LMOD1: variants seen among roughly 807,000 people sequenced by gnomAD.
LMOD1 encodes leiomodin-1.
A neutral mutation model predicts 36.5 loss-of-function variants in LMOD1; 8 were observed. The ratio of observed to expected loss-of-function variants is 0.22; its 90% CI spans 0.13 to 0.40. The LOEUF (loss-of-function observed/expected upper bound fraction) is 0.40. Among genes scored for constraint, LMOD1 ranks in the 10% least tolerant of loss-of-function variants. The pLI, the probability that LMOD1 is intolerant of heterozygous loss-of-function variation, is 1.00. For synonymous variants in LMOD1, 284 were observed against 288.7 expected (o/e 0.98, Z 0.17); for missense variants, 630 against 751.1 (o/e 0.84, Z 1.88).
intron 1 of LMOD1, among the ~76,000 whole-genome samples, chr1:201,944,732 C>G (rs1029208925): frequency 1.4e-5 from 2 of 147,026 alleles, no homozygotes; most frequent in African/African-American, 5.1e-5. Flanking sequence ...GGTGGTGGGG[C>G]GGGGGGGGGC....
rs534785855 is a variant in LMOD1, at chr1:201,919,392, C to T, written c.262-18641G>A. 1.5e-4 allele frequency among the ~76,000 whole-genome samples: 23 copies of T among 151,642 alleles called. No homozygotes were observed. In the South Asian group the frequency reaches 1.7e-3, roughly 11 times the overall value. On this transcript the variant is annotated intron_variant, in intron 1 of 2. Transcript: ENST00000367288. Reference sequence around the variant, plus strand: ...GCTGATTTTGTATTTTTAGTAGAGACGGGGTTTCACCATGTTGGCCAGGCT... The same window carrying T: ...GCTGATTTTGTATTTTTAGTAGAGATGGGGTTTCACCATGTTGGCCAGGCT...
chr1:201,910,630 G>A (rs573200773), intron 1 of LMOD1, among the ~76,000 whole-genome samples: 4 of 151,436 alleles, frequency 2.6e-5, no homozygotes, highest in African/African-American at 9.7e-5. Flanking sequence ...CATTACTGTG[G>A]TGCCTAAGAA....
chr1:201,928,784 C>A (rs911747458), intron 1 of LMOD1, among the ~76,000 whole-genome samples: 3 of 150,912 alleles, frequency 2.0e-5, no homozygotes, highest in Non-Finnish European at 4.4e-5. Flanking sequence ...GGCGTGATCT[C>A]GGCTCACTGC....
At position 201,896,658 on chromosome 1, in the gene LMOD1, G is replaced by A. The variant is rs1234528582; in HGVS notation, c.*1714C>T. On this transcript the variant is annotated 3_prime_UTR_variant, in exon 3 of 3. Transcript: ENST00000367288. ...GGACTGACAGTGAGGGCTGACAGTG[G>A]AAGCTCTAGCTGGCCTTAGCTCCAG... is the stretch of plus-strand genomic sequence containing the variant. 8.8e-6 allele frequency: 4 copies of A among 456,640 alleles called. No individual in the cohort carries two copies. Among genetic ancestry groups the A allele is most frequent in the Non-Finnish European group, 1.8e-5 (4 of 226,992 alleles). 28.3% of individuals were successfully genotyped at this position (456,640 alleles called of 1,614,324 possible).
rs1320081764 is a variant in LMOD1 at position 201,934,150 on chromosome 1, TGC to T, written c.261+11928_261+11929del. ...GGCTGTTGTCTGTTGACTGTTCTCA[TGC>T]CAGATTTCATGTCCGGAAGTACTTT... On this transcript the variant is annotated intron_variant, in intron 1 of 2. Coordinates refer to ENST00000367288, the MANE Select transcript of LMOD1 (RefSeq NM_012134.3). 4.6e-5 allele frequency among the ~76,000 whole-genome samples: 7 copies of T among 152,228 alleles called. No individual in the cohort carries two copies. In the East Asian group the frequency reaches 7.7e-4, roughly 17 times the overall value.
intron 1 of LMOD1, among the ~76,000 whole-genome samples, chr1:201,915,012 C>G (rs917580151): frequency 6.6e-6 from 1 of 152,204 alleles, no homozygotes; most frequent in Non-Finnish European, 1.5e-5. Context: ...TTGCCTCACC[C>G]CCAACATTCC....
chr1:201,937,321 C>G (rs1439773861), intron 1 of LMOD1, among the ~76,000 whole-genome samples: 3 of 152,046 alleles, frequency 2.0e-5, no homozygotes, highest in Admixed American at 1.3e-4. Flanking sequence ...GTGGGACACA[C>G]CTGTAGTCCT....
At chr1:201,929,335 G>T (rs1681880852) in intron 1 of LMOD1, among the ~76,000 whole-genome samples, 1 of 152,046 alleles carries the variant, frequency 6.6e-6, no homozygotes, top group African/African-American at 2.4e-5. Flanking sequence ...ACCTGACTCG[G>T]CATACCAAAG....
At chr1:201,908,518 T>A in intron 1 of LMOD1, among the ~76,000 whole-genome samples, 1 of 152,150 alleles carries the variant, frequency 6.6e-6, no homozygotes, top group South Asian at 2.1e-4. Flanking sequence ...CTCCTGCCCA[T>A]ACTGGAGCAC....
intron 1 of LMOD1, among the ~76,000 whole-genome samples, chr1:201,940,427 C>T (rs1035558073): frequency 3.3e-5 from 5 of 151,802 alleles, no homozygotes; most frequent in African/African-American, 1.2e-4. Flanking sequence ...TCTCGTGATC[C>T]ACCCGCCTCG....
Position 201,946,162 on chromosome 1 carries a change from G to A in LMOD1, c.179C>T (p.Thr60Met), listed in dbSNP as rs778680185. 1.1e-5 allele frequency: 17 copies of A among 1,613,928 alleles called. No homozygotes were observed. The highest frequency in any genetic ancestry group is 1.4e-5 in the Non-Finnish European group (16 of 1,179,866). The change falls in exon 1 of 3, where the codon ACG becomes ATG. Residue 60 changes from threonine to methionine, a missense_variant. This residue lies in a region of LMOD1 where 405 missense variants were observed against 400.6 expected (regional missense o/e 1.01). Coordinates refer to ENST00000367288, the MANE Select transcript of LMOD1 (RefSeq NM_012134.3). ...RQRNQTEKQS[T>M]GVYNREAMLN... ...CATGGCCTCCCGGTTGTACACACCC[G>A]TGGACTGTTTCTCCGTCTGGTTTCT...
In LMOD1 at chr1:201,898,328, C is replaced by T. The variant is rs759882072; in HGVS notation, c.*44G>A. 1.3e-4 allele frequency: 214 copies of T among 1,604,520 alleles called. No homozygotes were observed. The highest frequency in any genetic ancestry group is 1.6e-4 in the Middle Eastern group (1 of 6,074). ...TCTGTGTAGCCCTGGGAGGTGAGGC[C>T]TGAGCAGTCATGGCATTGGCAGATG... On this transcript the variant is annotated 3_prime_UTR_variant, in exon 3 of 3. Transcript: ENST00000367288.
chr1:201,900,857 C>T, intron 1 of LMOD1, 106 bp from the exon 2 acceptor site: 1 of 970,112 alleles, frequency 1.0e-6, no homozygotes, highest in Non-Finnish European at 1.5e-6. Flanking sequence ...CCTTGAGCCT[C>T]TGAAGGACAG....
In LMOD1 at chr1:201,899,120, T is replaced by G; in HGVS notation, c.1776+117A>C. On this transcript the variant is annotated intron_variant, in intron 2 of 2. Coordinates refer to ENST00000367288, the MANE Select transcript of LMOD1 (RefSeq NM_012134.3). This position sits in a 1 kb window ranked among gnomAD's most constrained non-coding sequence, Gnocchi z 6.3. ...TGAAGTCCCCTATGGGCCCTGGGAG[T>G]CTATATCATCTGCAGCCGACATAAG... 1 of 923,782 alleles carries G rather than the reference T, an allele frequency of 1.1e-6. No individual in the cohort carries two copies. The highest frequency in any genetic ancestry group is 1.6e-6 in the Non-Finnish European group (1 of 632,246). 57.2% of individuals were successfully genotyped at this position (923,782 alleles called of 1,614,324 possible). A position where few individuals can be genotyped will look rare whatever the true frequency, so the allele number is the denominator to read the frequency against.
intron 1 of LMOD1, among the ~76,000 whole-genome samples, chr1:201,938,746 A>G (rs2820299): frequency 0.89 from 135,207 of 152,164 alleles, 60,151 homozygotes; most frequent in Non-Finnish European, 0.91. Context: ...GGGTGGTGGA[A>G]GGGTGTGGGA....
intron 1 of LMOD1, among the ~76,000 whole-genome samples, chr1:201,909,958 T>C (rs770783116): frequency 4.6e-5 from 7 of 152,260 alleles, no homozygotes; most frequent in Non-Finnish European, 7.3e-5. Flanking sequence ...TTCACCTGAA[T>C]GCCTGGTCCA....
At chr1:201,920,827 G>A (rs912692976) in intron 1 of LMOD1, among the ~76,000 whole-genome samples, 8 of 151,932 alleles carry the variant, frequency 5.3e-5, no homozygotes, top group African/African-American at 1.9e-4. Context: ...CCAGGAGTTT[G>A]AGACCAGCCT....
chr1:201,916,115 G>A lies in LMOD1; in HGVS notation c.262-15364C>T, dbSNP rs148385948. ...GTATTTTTTGTAGAGACGGGGTTTC[G>A]CCATGTTGCCCAGGCTGGTCTTAAA... On this transcript the variant is annotated intron_variant, in intron 1 of 2. Transcript: ENST00000367288. Among the ~76,000 whole-genome samples, 482 of 151,580 alleles carry A rather than the reference G, an allele frequency of 3.2e-3. 1 individual carries two copies. The highest frequency in any genetic ancestry group is 4.7e-3 in the Non-Finnish European group (322 of 67,840).
intron 1 of LMOD1, among the ~76,000 whole-genome samples, chr1:201,928,596 A>G (rs1681867506): frequency 6.6e-6 from 1 of 152,214 alleles, no homozygotes; most frequent in African/African-American, 2.4e-5. Context: ...GGAGAGCTGT[A>G]TTACTTTTCC....
Sources: gnomAD v4.1 joint callset for allele counts (sites outside exome capture counted in the v4.1 genomes callset) on GRCh38, gnomAD v4.1.1 for gene constraint, gnomAD v4.1.1 regional missense constraint, Gnocchi (gnomAD v3.1) non-coding constraint, MANE v1.5 for transcripts, NCBI Gene and HGNC (gene_info 2026-07-23, HGNC 2026-07-21) for gene names.